AFDN: variants seen among roughly 807,000 people sequenced by gnomAD.
The protein encoded by AFDN is afadin.
A neutral mutation model predicts 216.6 loss-of-function variants in AFDN; 68 were observed. The ratio of observed to expected loss-of-function variants is 0.31; its 90% confidence interval spans 0.26 to 0.38. The LOEUF (loss-of-function observed/expected upper bound fraction) is 0.38. Among genes scored for constraint, AFDN ranks in the 10% least tolerant of loss-of-function variants. The probability of loss-of-function intolerance (pLI) is 1.00; values close to 1 mark genes in which losing one functional copy is unlikely to be tolerated. For synonymous variants in AFDN, 868 were observed against 853.7 expected, an observed-to-expected ratio of 1.02 and a Z score of -0.29; for missense variants, 2,136 against 2,342.0, an observed-to-expected ratio of 0.91 and a Z score of 1.82.
intron 6 of AFDN, among the ~76,000 whole-genome samples, chr6:167,881,268 T>C (rs1482314036): frequency 1.3e-5 from 2 of 152,222 alleles, no homozygotes; most frequent in Non-Finnish European, 2.9e-5. Flanking sequence ...AGAAGTTACA[T>C]TGAGTTGGAA....
intron 31 of AFDN, chr6:167,963,740 G>A: frequency 9.4e-7 from 1 of 1,062,028 alleles, no homozygotes; most frequent in Non-Finnish European, 1.1e-6. Flanking sequence ...TGAGCTTTCA[G>A]GATTAGGTTC....
chr6:167,865,799 T>C (rs1187640040), intron 2 of AFDN, among the ~76,000 whole-genome samples: 2 of 145,762 alleles, frequency 1.4e-5, no homozygotes, highest in Non-Finnish European at 3.0e-5. Context: ...TTTTGAACCT[T>C]TTTTTTTTTT....
rs200084571 is a variant in AFDN, at chr6:167,969,884, G to A, written c.5445G>A (p.Val1815=). The A allele has an allele frequency of 2.4e-4, 387 of 1,612,292 alleles. No individual in the cohort carries two copies. Among genetic ancestry groups the A allele is most frequent in the South Asian group, 1.4e-3 (125 of 90,400 alleles). Residue 1815 remains valine (V), a synonymous_variant, in exon 34 of 34, where the codon GTG becomes GTA. Transcript: ENST00000683244. ...AAGGTCAAGATGTATCCAATAAAGT[G>A]AAAGCTTCTCGTAAATTAACAGAAC... is the stretch of plus-strand genomic sequence containing the variant. ...FSQGQDVSNK[V]KASRKLTELE...
At chr6:167,925,182 C>A (rs1293139916) in intron 23 of AFDN, 91 bp downstream of exon 23, 4 of 889,642 alleles carry the variant, frequency 4.5e-6, no homozygotes, top group African/African-American at 3.3e-5. Flanking sequence ...GAGTACTTTA[C>A]CACCTGTGTA....
intron 19 of AFDN, among the ~76,000 whole-genome samples, chr6:167,916,628 A>G (rs1562667467): frequency 6.6e-6 from 1 of 152,222 alleles, no homozygotes; most frequent in Non-Finnish European, 1.5e-5. Context: ...TGAGTCATCT[A>G]CAGCTTAAAA....
Position 167,946,914 on chromosome 6 carries a change from C to CTT in AFDN, c.3553+18_3553+19dup. ...CCCAACGTAGCAAGTAAGAGTGACA[C>CTT]TTTTTTGCTTCCTAAGTACACTTGT... On this transcript the variant is annotated intron_variant, in intron 27 of 33. Transcript: ENST00000683244. The CTT allele has an allele frequency of 6.2e-7, 1 of 1,601,370 alleles. No homozygotes were observed. The highest frequency in any genetic ancestry group is 8.5e-7 in the Non-Finnish European group (1 of 1,176,428).
chr6:167,880,453 T>C lies in AFDN; in HGVS notation c.833T>C (p.Val278Ala), dbSNP rs774900761. 1 of 1,613,954 alleles carries C rather than the reference T, an allele frequency of 6.2e-7. No individual in the cohort carries two copies. The highest frequency in any genetic ancestry group is 1.1e-5 in the South Asian group (1 of 91,080). ...LSTTDPADFA[V>A]AEALEKYGLE... ...ACTACAGATCCTGCAGACTTTGCTG[T>C]GGCTGAAGCTTTAGAGAAGTATGGT... is the stretch of plus-strand genomic sequence containing the variant. Residue 278 changes from valine to alanine, a missense_variant, in exon 6 of 34, where the codon GTG becomes GCG. Physicochemically the swap from Val to Ala is moderately conservative, Grantham distance 64. Around this residue, in one of 8 missense-constraint regions of AFDN, gnomAD observed 817 missense variants for 965.7 expected, o/e 0.85. Coordinates refer to ENST00000683244, the MANE Select transcript of AFDN (RefSeq NM_001386888.1).
intron 27 of AFDN, among the ~76,000 whole-genome samples, chr6:167,947,171 T>A (rs1795364918): frequency 7.5e-6 from 1 of 133,570 alleles, no homozygotes; most frequent in South Asian, 2.9e-4. Flanking sequence ...AAAATATGTT[T>A]TACATTTTTT....
chr6:167,948,474 T>A lies in AFDN; in HGVS notation c.3827T>A (p.Ile1276Asn). 1 of 1,613,428 alleles carries A rather than the reference T, an allele frequency of 6.2e-7. No individual in the cohort carries two copies. Among genetic ancestry groups the A allele is most frequent in the Non-Finnish European group, 8.5e-7 (1 of 1,179,542 alleles). The part of the protein sequence containing the change: ...HTDSNHSSIA[I>N]QRVTRSQEEL... ...GATAGTAATCATTCCAGTATTGCAA[T>A]TCAGGTTAGAAATCAAAGATTCCAC... Residue 1276 changes from isoleucine (I) to asparagine (N), a missense_variant, in exon 29 of 34, where the codon ATT becomes AAT. Transcript: ENST00000683244.
intron 11 of AFDN, among the ~76,000 whole-genome samples, chr6:167,900,629 G>A (rs1014069780): frequency 6.6e-6 from 1 of 152,204 alleles, no homozygotes; most frequent in African/African-American, 2.4e-5. Flanking sequence ...ATTTTGCATG[G>A]TGGAAATTTG....
chr6:167,922,895 C>T lies in AFDN; in HGVS notation c.2948C>T (p.Thr983Ile), dbSNP rs1166890976. 1 of 1,613,074 alleles carries T rather than the reference C, an allele frequency of 6.2e-7. No homozygotes were observed. Among genetic ancestry groups the T allele is most frequent in the Non-Finnish European group, 8.5e-7 (1 of 1,179,608 alleles). ...ATTCCTCACACACGTTCACCAGGTA[C>T]TTGGACAATATATTTTGAAGGTGCA... ...RLIPHTRSPG[T>I]WTIYFEGADY... The change falls in exon 22 of 34, where the codon ACT becomes ATT. Residue 983 changes from threonine to isoleucine, a missense_variant. Physicochemically the swap from Thr to Ile is moderately conservative, Grantham distance 89. Around this residue, in one of 8 missense-constraint regions of AFDN, gnomAD observed 162 missense variants for 182.6 expected, o/e 0.89. Transcript: ENST00000683244.
At position 167,897,895 on chromosome 6, in the gene AFDN, C is replaced by T. The variant is rs548311069; in HGVS notation, c.1318-310C>T. Among the ~76,000 whole-genome samples, 33 of 152,160 alleles carry T rather than the reference C, an allele frequency of 2.2e-4. No individual in the cohort carries two copies. The East Asian group carries it at 4.8e-3, about 22-fold the overall frequency. ...TCCTGACCTCATGATCCGCCCATCTCGGCCTCCCAAAGTGCTGGGATTACA... is the reference window on the plus strand; with the variant it reads ...TCCTGACCTCATGATCCGCCCATCTTGGCCTCCCAAAGTGCTGGGATTACA... On this transcript the variant is annotated intron_variant, in intron 10 of 33. Coordinates refer to ENST00000683244, the MANE Select transcript of AFDN (RefSeq NM_001386888.1).
At chr6:167,969,306 G>A in intron 33 of AFDN, 108 bp downstream of exon 33, 1 of 826,794 alleles carries the variant, frequency 1.2e-6, no homozygotes, top group African/African-American at 1.7e-5. Context: ...TTCACTCTGT[G>A]ACCTCACCTG....
chr6:167,885,345 G>T (rs1786658378), intron 6 of AFDN, among the ~76,000 whole-genome samples: 1 of 152,114 alleles, frequency 6.6e-6, no homozygotes, highest in Admixed American at 6.5e-5. Flanking sequence ...TGCCTGTCTG[G>T]GCTTTCGACA....
At chr6:167,870,560 G>T in intron 3 of AFDN, 62 bp downstream of exon 3, 1 of 922,026 alleles carries the variant, frequency 1.1e-6, no homozygotes, top group South Asian at 1.9e-5. Context: ...TGATAAACAG[G>T]AGACTGATGT....
intron 31 of AFDN, among the ~76,000 whole-genome samples, chr6:167,965,296 C>G (rs536954950): frequency 1.7e-4 from 26 of 152,184 alleles, no homozygotes. Flanking sequence ...GCAAGTTTGC[C>G]TTTTGGAAAG....
intron 23 of AFDN, among the ~76,000 whole-genome samples, chr6:167,933,004 A>G (rs1793511885): frequency 6.6e-6 from 1 of 152,224 alleles, no homozygotes; most frequent in African/African-American, 2.4e-5. Context: ...GAAAACAGCC[A>G]TGATATTTCA....
intron 9 of AFDN, 108 bp from the exon 10 acceptor site, chr6:167,896,770 C>A: frequency 1.7e-6 from 1 of 583,242 alleles, no homozygotes; most frequent in Non-Finnish European, 3.0e-6. Context: ...AAAAGAAATC[C>A]TGAGAAATGA....
chr6:167,920,265 G>A (rs949332840), intron 21 of AFDN, among the ~76,000 whole-genome samples: 1 of 152,204 alleles, frequency 6.6e-6, no homozygotes, highest in Non-Finnish European at 1.5e-5. Flanking sequence ...CTGGGTTTCA[G>A]TGCAGGTCTG....
Sources: gnomAD v4.1 joint callset for allele counts (sites outside exome capture counted in the v4.1 genomes callset) on GRCh38, gnomAD v4.1.1 for gene constraint, gnomAD v4.1.1 regional missense constraint, MANE v1.5 for transcripts, NCBI Gene and HGNC (gene_info 2026-07-23, HGNC 2026-07-21) for gene names.